The following ABR variants were observed in gnomAD, a reference collection of about 807,000 sequenced individuals.
The protein encoded by ABR is ABR activator of RhoGEF and GTPase, also known as active breakpoint cluster region-related protein.
A neutral mutation model predicts 107.2 loss-of-function variants in ABR; 35 were observed. The ratio of observed to expected loss-of-function variants is 0.33; its 90% CI spans 0.25 to 0.43. ABR has a LOEUF of 0.43. Ranked by LOEUF, ABR falls within the 20% of genes least tolerant of loss-of-function variation. ABR has a pLI of 1.00. For missense variants in ABR, 815 were observed against 1,115.2 expected (o/e 0.73, Z 3.83); for synonymous variants, 498 against 462.0 (o/e 1.08, Z -1.00).
Position 1,078,706 on chromosome 17 carries a change from C to G in ABR, c.700+624G>C. On this transcript the variant is annotated intron_variant, in intron 6 of 22. Coordinates refer to ENST00000302538, the MANE Select transcript of ABR (RefSeq NM_021962.5). This position sits in a 1 kb window ranked among gnomAD's most constrained non-coding sequence, Gnocchi z 7.5. ...AATTCAGGTCCAGCCGCTCGCCCAC[C>G]CTCCTTCCCTGCGGCCCTCTAACCT... The G allele has an allele frequency of 8.4e-7, 1 of 1,192,924 alleles. No homozygotes were observed. The highest frequency in any genetic ancestry group is 2.6e-5 in the East Asian group (1 of 38,656). 73.9% of individuals were successfully genotyped at this position (1,192,924 alleles called of 1,614,324 possible). A position where few individuals can be genotyped will look rare whatever the true frequency, so the allele number is the denominator to read the frequency against.
At chr17:1,115,122 G>A (rs1438634396) in intron 2 of ABR, among the ~76,000 whole-genome samples, 1 of 152,210 alleles carries the variant, frequency 6.6e-6, no homozygotes, top group Non-Finnish European at 1.5e-5. Context: ...GGAAGGTGCT[G>A]GAGGATTTCA....
chr17:1,091,667 G>C lies in ABR; in HGVS notation c.529C>G (p.Leu177Val), dbSNP rs747710707. Residue 177 changes from leucine (L) to valine (V), a missense_variant and splice_region_variant, in exon 4 of 23, where the codon CTG becomes GTG. Physicochemically the swap from Leu to Val is conservative, Grantham distance 32. Coordinates refer to ENST00000302538, the MANE Select transcript of ABR (RefSeq NM_021962.5). Reference protein sequence around the residue: ...QVTMGHLFQKLASQLGVYKAF... With the variant: ...QVTMGHLFQKVASQLGVYKAF... ...CCCTCCATCCCTGGCAGACTCACCA[G>C]CTTCTGGAAGAGGTGGCCCATGGTG... The C allele has an allele frequency of 6.2e-7, 1 of 1,612,808 alleles. No individual in the cohort carries two copies. Among genetic ancestry groups the C allele is most frequent in the South Asian group, 1.1e-5 (1 of 90,942 alleles).
At chr17:1,079,880 T>C (rs1362950248) in intron 5 of ABR, among the ~76,000 whole-genome samples, 1 of 144,770 alleles carries the variant, frequency 6.9e-6, no homozygotes, top group Non-Finnish European at 1.5e-5. Flanking sequence ...CCCAATCCCC[T>C]GCACCACACC....
chr17:1,041,345 C>T (rs1053923494), intron 16 of ABR, among the ~76,000 whole-genome samples: 16 of 152,224 alleles, frequency 1.1e-4, no homozygotes, highest in Admixed American at 5.9e-4. Context: ...AAAGCGTGGA[C>T]GCACACGTCA....
intron 1 of ABR, among the ~76,000 whole-genome samples, chr17:1,185,906 G>A (rs1296925206): frequency 2.6e-5 from 4 of 151,652 alleles, no homozygotes; most frequent in South Asian, 2.1e-4. Context: ...CAGGATCTCG[G>A]CTCACTGCAA....
At chr17:1,039,135 C>T (rs2073422181) in intron 16 of ABR, among the ~76,000 whole-genome samples, 1 of 152,302 alleles carries the variant, frequency 6.6e-6, no homozygotes, top group South Asian at 2.1e-4. Context: ...TGGATGTTCT[C>T]AGGGCCTGAC....
rs1039783031 is a variant in ABR, at chr17:1,027,103, T to C, written c.1792-13939A>G. On this transcript the variant is annotated intron_variant, in intron 16 of 22. Coordinates refer to ENST00000302538, the MANE Select transcript of ABR (RefSeq NM_021962.5). The surrounding 1 kb of genome is among the most constrained non-coding windows in gnomAD (Gnocchi z 4.7). ...AGGCTTGGGGGCTCCTTCCAAAATG[T>C]CTGGGGCCTCATTGCCTCTGGGTAC... Among the ~76,000 whole-genome samples, 2 of 152,024 alleles carry C rather than the reference T, an allele frequency of 1.3e-5. No individual in the cohort carries two copies. Among genetic ancestry groups the C allele is most frequent in the South Asian group, 4.2e-4 (2 of 4,812 alleles).
At chr17:1,057,948 C>T (rs370121460) in intron 12 of ABR, 22 bp downstream of exon 12, 17 of 1,603,390 alleles carry the variant, frequency 1.1e-5, no homozygotes, top group East Asian at 4.5e-5. Context: ...CATTGGGGAG[C>T]GTGGAAGAGG....
chr17:1,169,881 C>T (rs2041643206), intron 1 of ABR, among the ~76,000 whole-genome samples: 2 of 152,192 alleles, frequency 1.3e-5, no homozygotes, highest in South Asian at 2.1e-4. Context: ...CCCCTGGCCT[C>T]GCTCTAGAAA....
At chr17:1,057,926 T>C (rs1394606823) in intron 12 of ABR, 44 bp downstream of exon 12, 2 of 1,563,572 alleles carry the variant, frequency 1.3e-6, no homozygotes, top group Non-Finnish European at 1.8e-6. Context: ...GGCCCATCAA[T>C]GCCACGGACA....
intron 1 of ABR, among the ~76,000 whole-genome samples, chr17:1,208,730 T>C (rs1203002958): frequency 6.6e-6 from 1 of 151,772 alleles, no homozygotes; most frequent in Non-Finnish European, 1.5e-5. Flanking sequence ...CTACTAAAAA[T>C]ACAAAAAATT....
chr17:1,034,908 C>T (rs2150940503), intron 16 of ABR, among the ~76,000 whole-genome samples: 1 of 152,190 alleles, frequency 6.6e-6, no homozygotes, highest in Non-Finnish European at 1.5e-5. Context: ...CAAGGCCCGG[C>T]ACTCATCTGT....
intron 1 of ABR, chr17:1,125,740 C>T (rs2039570535): frequency 3.4e-6 from 1 of 293,100 alleles, no homozygotes; most frequent in African/African-American, 2.2e-5. Context: ...CTCTGAGTCA[C>T]CATTTTGCTT....
intron 2 of ABR, among the ~76,000 whole-genome samples, chr17:1,117,662 C>T (rs1475122259): frequency 2.4e-4 from 11 of 45,090 alleles, no homozygotes; most frequent in East Asian, 1.8e-3. Flanking sequence ...TCCCTGAGCC[C>T]GAGTTCCTCC....
intron 2 of ABR, among the ~76,000 whole-genome samples, chr17:1,117,069 G>C: frequency 6.6e-6 from 1 of 152,154 alleles, no homozygotes. Context: ...CCAAGAAAGG[G>C]AAGAAGAGGC....
At chr17:1,034,981 C>A (rs12603499) in intron 16 of ABR, among the ~76,000 whole-genome samples, 14,910 of 152,048 alleles carry the variant, frequency 0.098, 1,130 homozygotes, top group South Asian at 0.2. Flanking sequence ...TGAACGATGG[C>A]CAGCTGGTCT....
At chr17:1,192,641 G>A (rs888060517) in intron 1 of ABR, among the ~76,000 whole-genome samples, 2 of 151,724 alleles carry the variant, frequency 1.3e-5, no homozygotes, top group Non-Finnish European at 2.9e-5. Flanking sequence ...AGCTGGGCAT[G>A]GTGGAAGGCA....
intron 16 of ABR, among the ~76,000 whole-genome samples, chr17:1,019,022 G>T (rs757441108): frequency 2.0e-5 from 3 of 152,142 alleles, no homozygotes; most frequent in Admixed American, 2.0e-4. Flanking sequence ...ATGACCCGCA[G>T]CTGCTGTAAC....
intron 16 of ABR, among the ~76,000 whole-genome samples, chr17:1,041,165 G>A (rs1044591560): frequency 1.3e-5 from 2 of 151,826 alleles, no homozygotes; most frequent in Non-Finnish European, 2.9e-5. Flanking sequence ...TGATCCGCCC[G>A]CCTCGGCCTC....
Sources: allele counts gnomAD v4.1 joint callset (sites outside exome capture counted in the v4.1 genomes callset), GRCh38; gene constraint gnomAD v4.1.1; non-coding constraint Gnocchi (gnomAD v3.1); transcripts MANE v1.5; gene names NCBI Gene and HGNC (gene_info 2026-07-23, HGNC 2026-07-21).